The following RP1L1 variants were observed in gnomAD, a reference collection of about 807,000 sequenced individuals.
RP1L1 encodes retinitis pigmentosa 1-like 1 protein.
RP1L1 carries 27 observed loss-of-function variants against 15.7 expected under a neutral mutation model. The ratio of observed to expected loss-of-function variants is 1.72; its 90% CI spans 1.27 to 2.38. The LOEUF (loss-of-function observed/expected upper bound fraction) is 2.38, where lower values mean the gene tolerates loss of function less well. Among genes scored for constraint, RP1L1 ranks in the 30% most tolerant of loss-of-function variants. RP1L1 has a pLI of 0.00. For synonymous variants in RP1L1, 1,813 were observed against 1,276.7 expected (o/e 1.42, Z -8.96); for missense variants, 4,798 against 3,075.9 (o/e 1.56, Z -13.24).
chr8:10,623,527 G>T (rs1798109016), intron 1 of RP1L1, among the ~76,000 whole-genome samples: 1 of 151,034 alleles, frequency 6.6e-6, no homozygotes, highest in South Asian at 2.1e-4. Flanking sequence ...CATGAAACCA[G>T]GACCACAATG....
chr8:10,635,481 C>G (rs926463013), intron 1 of RP1L1, among the ~76,000 whole-genome samples: 3 of 152,244 alleles, frequency 2.0e-5, no homozygotes, highest in South Asian at 2.1e-4. Context: ...TGTATGAGAT[C>G]AATCCATTCC....
rs201576854 is a variant in RP1L1 at position 10,611,642 on chromosome 8, C to A, written c.2456G>T (p.Gly819Val). The A allele has an allele frequency of 1.2e-6, 2 of 1,612,426 alleles. No homozygotes were observed. Among genetic ancestry groups the A allele is most frequent in the Admixed American group, 3.3e-5 (2 of 60,018 alleles). The change falls in exon 4 of 4, where the codon GGC (glycine) becomes GTC (valine). Residue 819 changes from glycine (G) to valine (V), a missense_variant. By Grantham distance (109) the Gly-to-Val change is moderately radical. Coordinates refer to ENST00000382483, the MANE Select transcript of RP1L1 (RefSeq NM_178857.6). ...TGAGCAGCAGTGGCTTCGGTGGGGG[C>A]CCACCGCCCCTTGCTCAGGCCGTCC... The part of the protein sequence containing the change: ...QVGRPEQGAV[G>V]PHRSHCCSQP...
At chr8:10,637,143 G>A (rs527260821) in intron 1 of RP1L1, among the ~76,000 whole-genome samples, 1 of 152,314 alleles carries the variant, frequency 6.6e-6, no homozygotes, top group South Asian at 2.1e-4. Flanking sequence ...GGAGACAGCT[G>A]AGCCTTCCTG....
intron 1 of RP1L1, among the ~76,000 whole-genome samples, chr8:10,638,742 G>A (rs1336245024): frequency 6.6e-6 from 1 of 152,178 alleles, no homozygotes. Flanking sequence ...AAACAAGGGG[G>A]CTCTCCAGAC....
Position 10,611,472 on chromosome 8 carries a change from T to A in RP1L1, c.2626A>T (p.Ser876Cys). Residue 876 changes from serine (S) to cysteine (C), a missense_variant, in exon 4 of 4, where the codon AGC becomes TGC. Coordinates refer to ENST00000382483, the MANE Select transcript of RP1L1 (RefSeq NM_178857.6). ...RSSSCGSTGS[S>C]HQSTARGPGG... is the part of the protein sequence containing the mutation. ...GGCCCCCGGGCAGTGCTTTGGTGGC[T>A]GCTGCCGGTGCTCCCACAGCTGGAA... The A allele has an allele frequency of 6.4e-7, 1 of 1,569,204 alleles. No individual in the cohort carries two copies. The highest frequency in any genetic ancestry group is 1.2e-5 in the South Asian group (1 of 86,938).
Position 10,612,632 on chromosome 8 carries a change from A to G in RP1L1, c.1466T>C (p.Ile489Thr), listed in dbSNP as rs781685145. 1 of 1,601,096 alleles carries G rather than the reference A, an allele frequency of 6.2e-7. No individual in the cohort carries two copies. Among genetic ancestry groups the G allele is most frequent in the Admixed American group, 1.7e-5 (1 of 59,886 alleles). The part of the protein sequence containing the change: ...GVDSASPSAQ[I>T]GAERKAGGSL... ...CCCTCCAGCTTTCCGCTCAGCCCCT[A>G]TCTGGGCAGAGGGGCTGGCACTGTC... The change falls in exon 4 of 4, where the codon ATA becomes ACA. Residue 489 changes from isoleucine (I) to threonine (T), a missense_variant. Coordinates refer to ENST00000382483, the MANE Select transcript of RP1L1 (RefSeq NM_178857.6).
chr8:10,619,275 G>T (rs570898609), intron 2 of RP1L1, among the ~76,000 whole-genome samples: 2 of 152,328 alleles, frequency 1.3e-5, no homozygotes, highest in South Asian at 4.1e-4. Flanking sequence ...CTTGAACAGG[G>T]CATGGAACGT....
rs761588903 is a variant in RP1L1 at position 10,612,547 on chromosome 8, T to A, written c.1551A>T (p.Gln517His). Residue 517 changes from glutamine (Q) to histidine (H), a missense_variant, in exon 4 of 4, where the codon CAA (glutamine) becomes CAT (histidine). Physicochemically the swap from Gln to His is conservative, Grantham distance 24. Transcript: ENST00000382483. ...GGGCCCTCGGTGTCAGGCGGCCGCC[T>A]TGCTCTGGGCCGCCCAGCCCTGCTC... ...IDGAGLGGPE[Q>H]GGRLTPRARS... The A allele has an allele frequency of 6.2e-7, 1 of 1,609,398 alleles. No homozygotes were observed. Among genetic ancestry groups the A allele is most frequent in the Admixed American group, 1.7e-5 (1 of 59,990 alleles).
intron 1 of RP1L1, among the ~76,000 whole-genome samples, chr8:10,631,212 CACACACACACAA>C (rs1467256695): frequency 6.6e-6 from 1 of 151,932 alleles, no homozygotes; most frequent in Non-Finnish European, 1.5e-5. Context: ...AACACACACA[CACACACACACAA>C]ACGCACACAC....
Position 10,613,036 on chromosome 8 carries a change from C to T in RP1L1, c.1062G>A (p.Gly354=). The change falls in exon 4 of 4, where the codon GGG becomes GGA. Residue 354 remains glycine, a synonymous_variant. Transcript: ENST00000382483. ...CTACCTCCCCCAGAACGGGGTCTTCCCCACTGGCTGCCGTGAGGGCGCTGG... is the reference window on the plus strand; with the variant it reads ...CTACCTCCCCCAGAACGGGGTCTTCTCCACTGGCTGCCGTGAGGGCGCTGG... ...GRASALTAAS[G]EDPVLGEVDP... The T allele has an allele frequency of 6.2e-7, 1 of 1,613,614 alleles. No homozygotes were observed. The highest frequency in any genetic ancestry group is 1.1e-5 in the South Asian group (1 of 91,084).
chr8:10,609,792 A>T lies in RP1L1; in HGVS notation c.4306T>A (p.Ser1436Thr), dbSNP rs756335904. Residue 1436 changes from serine (S) to threonine (T), a missense_variant, in exon 4 of 4, where the codon TCT becomes ACT. By Grantham distance (58) the Ser-to-Thr change is moderately conservative. Coordinates refer to ENST00000382483, the MANE Select transcript of RP1L1 (RefSeq NM_178857.6). ...GCGGGGCACGGCTCTGCAGAGGCAG[A>T]GGCTCTTCCTGCTTCCTCCTCCTGG... ...PVQEEEAGRASASAEPCPAEG... is the reference protein window; with the variant it reads ...PVQEEEAGRATASAEPCPAEG... 34 of 1,613,852 alleles carry T rather than the reference A, an allele frequency of 2.1e-5. No homozygotes were observed. Among genetic ancestry groups the T allele is most frequent in the Non-Finnish European group, 2.7e-5 (32 of 1,180,008 alleles).
At chr8:10,647,782 G>C (rs1423724511) in intron 1 of RP1L1, among the ~76,000 whole-genome samples, 2 of 152,136 alleles carry the variant, frequency 1.3e-5, no homozygotes, top group Admixed American at 6.5e-5. Flanking sequence ...TGGCTATTGT[G>C]AATAATGCTG....
intron 3 of RP1L1, among the ~76,000 whole-genome samples, chr8:10,615,939 C>G (rs373472382): frequency 1.5e-4 from 23 of 152,254 alleles, no homozygotes; most frequent in African/African-American, 5.1e-4. Flanking sequence ...GGATTTTGCT[C>G]TGTCACCCAG....
In RP1L1 at chr8:10,609,245, G is replaced by T. The variant is rs750271199; in HGVS notation, c.4853C>A (p.Ala1618Asp). 2.5e-6 allele frequency: 4 copies of T among 1,608,972 alleles called. No homozygotes were observed. The African/African-American group carries it at 5.3e-5, about 21-fold the overall frequency. The change falls in exon 4 of 4, where the codon GCC (alanine) becomes GAC (aspartate). Residue 1618 changes from alanine (A) to aspartate (D), a missense_variant. Coordinates refer to ENST00000382483, the MANE Select transcript of RP1L1 (RefSeq NM_178857.6). ...HRLRGLRNLS[A>D]FSERTLGLGP... ...CAGGCCCAGGGTCCGCTCAGAGAAG[G>T]CCGAGAGGTTTCGCAGGCCCCGGAG...
chr8:10,625,994 C>CTG, intron 1 of RP1L1, among the ~76,000 whole-genome samples: 1 of 151,764 alleles, frequency 6.6e-6, no homozygotes, highest in East Asian at 1.9e-4. Context: ...GGCCTTCCAG[C>CTG]TGTGTGTGGG....
rs370718655 is a variant in RP1L1, at chr8:10,623,003, C to T, written c.199G>A (p.Glu67Lys). ...GAGAGAGGCACGCGCTGGGAGAGCT[C>T]GTCCATGAGGGCGCTGAAGGTCTTA... ...AFKTFSALMD[E>K]LSQRVPLSFG... The change falls in exon 2 of 4, where the codon GAG becomes AAG. Residue 67 changes from glutamate (E) to lysine (K), a missense_variant. Coordinates refer to ENST00000382483, the MANE Select transcript of RP1L1 (RefSeq NM_178857.6). The T allele has an allele frequency of 1.9e-5, 30 of 1,613,988 alleles. No individual in the cohort carries two copies. The highest frequency in any genetic ancestry group is 6.7e-5 in the East Asian group (3 of 44,884).
chr8:10,622,902 G>A lies in RP1L1; in HGVS notation c.300C>T (p.Gly100=), dbSNP rs745390463. ...GCTTCTTATCAGAGCAGAGGTAGCA[G>A]CCTCCATCTTCCAGCTGCTCCAGGG... The part of the protein sequence containing the change: ...LSALEQLEDG[G]CYLCSDKKPP... The change falls in exon 2 of 4, where the codon GGC becomes GGT. Residue 100 remains glycine, a synonymous_variant. Coordinates refer to ENST00000382483, the MANE Select transcript of RP1L1 (RefSeq NM_178857.6). 2 of 1,613,918 alleles carry A rather than the reference G, an allele frequency of 1.2e-6. No individual in the cohort carries two copies. The highest frequency in any genetic ancestry group is 2.2e-5 in the East Asian group (1 of 44,876).
At chr8:10,617,412 A>C (rs1797985276) in intron 2 of RP1L1, among the ~76,000 whole-genome samples, 1 of 150,444 alleles carries the variant, frequency 6.6e-6, no homozygotes, top group South Asian at 2.1e-4. Context: ...AAAAAAAAAA[A>C]AAAAAAAAAG....
rs1797866984 is a variant in RP1L1 at position 10,611,995 on chromosome 8, C to T, written c.2103G>A (p.Val701=). ...ERRRACQDGS[V]PRYSGSSSST... is the part of the protein sequence containing the mutation. ...TCGATGAGCTTCCAGAATATCGTGG[C>T]ACTGAGCCATCCTGGCAGGCCCTTC... The change falls in exon 4 of 4, where the codon GTG becomes GTA. Residue 701 remains valine, a synonymous_variant. Coordinates refer to ENST00000382483, the MANE Select transcript of RP1L1 (RefSeq NM_178857.6). The T allele has an allele frequency of 1.2e-6, 2 of 1,613,822 alleles. No homozygotes were observed. The highest frequency in any genetic ancestry group is 2.2e-5 in the East Asian group (1 of 44,876).
Sources: gnomAD v4.1 joint callset for allele counts (sites outside exome capture counted in the v4.1 genomes callset) on GRCh38, gnomAD v4.1.1 for gene constraint, MANE v1.5 for transcripts, NCBI Gene and HGNC (gene_info 2026-07-23, HGNC 2026-07-21) for gene names.